The following UNC13C variants were observed in gnomAD, a reference collection of about 807,000 sequenced individuals.
The protein encoded by UNC13C is unc-13 homolog C.
UNC13C carries 174 observed loss-of-function variants against 245.4 expected under a neutral mutation model. The ratio of observed to expected loss-of-function variants is 0.71; its 90% CI spans 0.63 to 0.80. UNC13C has a LOEUF of 0.80. Ranked by LOEUF, UNC13C falls within the 30% of genes least tolerant of loss-of-function variation. UNC13C has a pLI of 0.00. For missense variants in UNC13C, 2,829 were observed against 2,602.9 expected, an observed-to-expected ratio of 1.09 and a Z score of -1.89; for synonymous variants, 992 against 895.1, an observed-to-expected ratio of 1.11 and a Z score of -1.93.
intron 17 of UNC13C, among the ~76,000 whole-genome samples, chr15:54,342,846 A>G (rs1390815381): frequency 1.3e-5 from 2 of 152,180 alleles, no homozygotes; most frequent in African/African-American, 4.8e-5. Context: ...GCATTGCATA[A>G]GCAAAACAAT....
At chr15:53,967,395 C>A in the UNC13C span, among the ~76,000 whole-genome samples, 2 of 151,746 alleles carry the variant, frequency 1.3e-5, no homozygotes, top group African/African-American at 4.8e-5. Context: ...CTGCTGTTCT[C>A]AAGTGACCCA....
In UNC13C at chr15:54,546,844, C is replaced by G. The variant is rs1362915059; in HGVS notation, c.5819C>G (p.Thr1940Arg). The change falls in exon 27 of 33, where the codon ACA (threonine) becomes AGA (arginine). Residue 1940 changes from threonine to arginine, a missense_variant and splice_region_variant. By Grantham distance (71) the Thr-to-Arg change is moderately conservative (BLOSUM62 -1). Coordinates refer to ENST00000260323, the MANE Select transcript of UNC13C (RefSeq NM_001080534.3). ...QIVLPPLTDQ[T>R]GPQMIFIAAK... Reference sequence around the variant, plus strand: ...GTTCTTCCTCCTCTGACAGATCAAACAGTAAGTATATAAAGTTTAGTTATG... The same window carrying G: ...GTTCTTCCTCCTCTGACAGATCAAAGAGTAAGTATATAAAGTTTAGTTATG... The G allele has an allele frequency of 1.3e-6, 2 of 1,574,392 alleles. No homozygotes were observed. Among genetic ancestry groups the G allele is most frequent in the Non-Finnish European group, 1.7e-6 (2 of 1,161,394 alleles).
chr15:54,048,212 G>A (rs936929990), intron 2 of UNC13C, among the ~76,000 whole-genome samples: 2 of 152,100 alleles, frequency 1.3e-5, no homozygotes, highest in Non-Finnish European at 2.9e-5. Context: ...TGGATTGGCT[G>A]CTTGATGATT....
chr15:53,906,291 A>C, the UNC13C span, among the ~76,000 whole-genome samples: 1 of 152,078 alleles, frequency 6.6e-6, no homozygotes, highest in East Asian at 1.9e-4. Context: ...GCACCACTGC[A>C]CTCCAGCCTG....
the UNC13C span, among the ~76,000 whole-genome samples, chr15:53,883,828 T>G: frequency 3.3e-5 from 5 of 152,196 alleles, no homozygotes; most frequent in Non-Finnish European, 7.3e-5. Context: ...CAAAATAGGT[T>G]TTGTTTTGAC....
At chr15:54,298,702 C>G (rs969849352) in intron 12 of UNC13C, among the ~76,000 whole-genome samples, 30 of 152,060 alleles carry the variant, frequency 2.0e-4, no homozygotes, top group African/African-American at 7.2e-4. Context: ...GGGAGTCTAT[C>G]AAATGTTTGT....
the UNC13C span, among the ~76,000 whole-genome samples, chr15:53,940,041 T>C: frequency 6.6e-6 from 1 of 152,146 alleles, no homozygotes; most frequent in African/African-American, 2.4e-5. Flanking sequence ...TAAAGTTTGT[T>C]TATGCTTCCC....
At chr15:54,128,128 G>A (rs1205950372) in intron 2 of UNC13C, among the ~76,000 whole-genome samples, 1 of 152,090 alleles carries the variant, frequency 6.6e-6, no homozygotes, top group Admixed American at 6.6e-5. Context: ...ACAAGGTCCA[G>A]GTTGAGAGTG....
At chr15:54,543,155 T>C (rs116545230) in intron 26 of UNC13C, among the ~76,000 whole-genome samples, 309 of 152,246 alleles carry the variant, frequency 2.0e-3, no homozygotes, top group African/African-American at 7.1e-3. Flanking sequence ...CCTTTCCACA[T>C]TTACTGGTTC....
chr15:54,607,144 T>C (rs925150839), intron 30 of UNC13C, among the ~76,000 whole-genome samples: 2 of 152,182 alleles, frequency 1.3e-5, no homozygotes, highest in Non-Finnish European at 2.9e-5. Flanking sequence ...TCTAGTTCTA[T>C]GTCAAATCCT....
intron 30 of UNC13C, among the ~76,000 whole-genome samples, chr15:54,581,473 C>G (rs1451707559): frequency 6.6e-6 from 1 of 152,230 alleles, no homozygotes; most frequent in African/African-American, 2.4e-5. Context: ...TGAGGGCTCT[C>G]CTCCTGGCTT....
At chr15:54,315,523 A>G (rs1215979780) in intron 13 of UNC13C, among the ~76,000 whole-genome samples, 1 of 151,412 alleles carries the variant, frequency 6.6e-6, no homozygotes, top group Non-Finnish European at 1.5e-5. Context: ...ATTTCCTTTC[A>G]TATGGCTATT....
At chr15:54,426,163 C>T (rs913791604) in intron 19 of UNC13C, among the ~76,000 whole-genome samples, 2 of 151,534 alleles carry the variant, frequency 1.3e-5, no homozygotes, top group African/African-American at 4.8e-5. Context: ...AGCCTTAATT[C>T]TTCTTTGTCA....
chr15:54,312,515 C>T (rs1222916850), intron 13 of UNC13C, among the ~76,000 whole-genome samples: 1 of 151,760 alleles, frequency 6.6e-6, no homozygotes, highest in East Asian at 1.9e-4. Flanking sequence ...TTGCTAAAAG[C>T]AGAGCATAAA....
intron 4 of UNC13C, among the ~76,000 whole-genome samples, chr15:54,231,543 A>C (rs1015919210): frequency 6.6e-5 from 10 of 152,010 alleles, no homozygotes; most frequent in Admixed American, 2.0e-4. Context: ...AATTGTACCT[A>C]TACCTCATAA....
At chr15:54,259,208 A>T (rs182732584) in intron 8 of UNC13C, among the ~76,000 whole-genome samples, 1 of 152,362 alleles carries the variant, frequency 6.6e-6, no homozygotes, top group East Asian at 1.9e-4. Flanking sequence ...TATGACTTTC[A>T]ATGGGATGCA....
chr15:53,948,588 T>G, the UNC13C span: 1 of 149,344 alleles, frequency 6.7e-6, no homozygotes, highest in African/African-American at 2.5e-5. Context: ...CACTCCAGCC[T>G]GGGTGACAGC....
At chr15:54,141,597 A>G (rs1229222729) in intron 2 of UNC13C, among the ~76,000 whole-genome samples, 1 of 152,034 alleles carries the variant, frequency 6.6e-6, no homozygotes, top group Non-Finnish European at 1.5e-5. Flanking sequence ...GAAAATTAAG[A>G]TATATATTTT....
intron 2 of UNC13C, among the ~76,000 whole-genome samples, chr15:54,040,601 G>A (rs1472785231): frequency 6.6e-6 from 1 of 152,152 alleles, no homozygotes; most frequent in Non-Finnish European, 1.5e-5. Context: ...CTCCCTAGCT[G>A]TCATTGGTTG....
Sources: allele counts gnomAD v4.1 joint callset (sites outside exome capture counted in the v4.1 genomes callset), GRCh38; gene constraint gnomAD v4.1.1; transcripts MANE v1.5; gene names NCBI Gene and HGNC (gene_info 2026-07-23, HGNC 2026-07-21).